Variants in LRMDA observed in about 807,000 individuals in gnomAD.
The protein encoded by LRMDA is leucine-rich melanocyte differentiation-associated protein.
LRMDA carries 18 observed loss-of-function variants against 29.8 expected under a neutral mutation model. The ratio of observed to expected loss-of-function variants is 0.60; its 90% CI spans 0.42 to 0.90. LRMDA has a LOEUF of 0.90. Ranked by LOEUF, LRMDA falls within the 40% of genes least tolerant of loss-of-function variation. LRMDA has a pLI of 0.00. For missense variants in LRMDA, 273 were observed against 273.9 expected (o/e 1.00, Z 0.02); for synonymous variants, 125 against 109.4 (o/e 1.14, Z -0.89).
At chr10:75,815,281 C>T (rs1307285898) in intron 2 of LRMDA, among the ~76,000 whole-genome samples, 1 of 152,210 alleles carries the variant, frequency 6.6e-6, no homozygotes, top group Non-Finnish European at 1.5e-5. Flanking sequence ...AAATATGTAA[C>T]TTACTCACCA....
At chr10:75,884,206 C>A (rs1243498231) in intron 2 of LRMDA, among the ~76,000 whole-genome samples, 1 of 149,412 alleles carries the variant, frequency 6.7e-6, no homozygotes, top group East Asian at 2.0e-4. Context: ...TGAAAGCTCC[C>A]CTCCACTATT....
chr10:76,550,970 A>G (rs1428543944), intron 6 of LRMDA, among the ~76,000 whole-genome samples: 2 of 152,220 alleles, frequency 1.3e-5, no homozygotes, highest in African/African-American at 4.8e-5. Context: ...ACATGGGCTG[A>G]CCTCAGGGTA....
chr10:76,120,189 ATTTT>A (rs35999168), intron 5 of LRMDA, among the ~76,000 whole-genome samples: 2 of 133,162 alleles, frequency 1.5e-5, no homozygotes, highest in Non-Finnish European at 3.2e-5. Context: ...GTATGTGTTG[ATTTT>A]TTTTTTTTTT....
chr10:76,525,450 A>T (rs1843164526), intron 6 of LRMDA, among the ~76,000 whole-genome samples: 1 of 152,102 alleles, frequency 6.6e-6, no homozygotes, highest in Non-Finnish European at 1.5e-5. Flanking sequence ...CTCTTAGAGG[A>T]TTGAGTCCTT....
chr10:75,792,879 T>C (rs1843592817), intron 2 of LRMDA, among the ~76,000 whole-genome samples: 1 of 152,206 alleles, frequency 6.6e-6, no homozygotes, highest in South Asian at 2.1e-4. Flanking sequence ...GCTATGTAAG[T>C]TGGCAGTCAT....
At chr10:75,947,766 C>T (rs1027609757) in intron 2 of LRMDA, among the ~76,000 whole-genome samples, 1 of 152,224 alleles carries the variant, frequency 6.6e-6, no homozygotes, top group African/African-American at 2.4e-5. Context: ...TCCGAAAACA[C>T]ACACATACTT....
chr10:75,634,521 A>T (rs1841366785), intron 2 of LRMDA, among the ~76,000 whole-genome samples: 1 of 152,200 alleles, frequency 6.6e-6, no homozygotes, highest in African/African-American at 2.4e-5. Context: ...ACAGAGTGGC[A>T]TTCCCCAGGT....
At chr10:76,236,560 C>A (rs971721323) in intron 5 of LRMDA, among the ~76,000 whole-genome samples, 1 of 152,202 alleles carries the variant, frequency 6.6e-6, no homozygotes, top group South Asian at 2.1e-4. Context: ...GGTCTCCACA[C>A]TTTGGCCCGC....
In LRMDA at chr10:75,758,185, A is replaced by G. The variant is rs75014533; in HGVS notation, c.132-277823A>G. Among the ~76,000 whole-genome samples, 620 of 152,274 alleles carry G rather than the reference A, an allele frequency of 4.1e-3. 4 individuals are homozygous for G. Among genetic ancestry groups the G allele is most frequent in the African/African-American group, 0.014 (588 of 41,568 alleles). The stretch of plus-strand genomic sequence containing the variant: ...AAGCCGGTGTCCTAATTGGAGGCAA[A>G]GGGTGTGAGGGGGGTGACGGGAGTG... On this transcript the variant is annotated intron_variant, in intron 2 of 6. Coordinates refer to ENST00000611255, the MANE Select transcript of LRMDA (RefSeq NM_001305581.2).
intron 5 of LRMDA, among the ~76,000 whole-genome samples, chr10:76,221,176 G>T (rs1415798495): frequency 6.6e-6 from 1 of 151,784 alleles, no homozygotes; most frequent in Admixed American, 6.6e-5. Flanking sequence ...TACTGAATGG[G>T]CAAAAACTGG....
At chr10:75,631,319 C>T (rs1022920856) in intron 2 of LRMDA, among the ~76,000 whole-genome samples, 1 of 152,020 alleles carries the variant, frequency 6.6e-6, no homozygotes, top group African/African-American at 2.4e-5. Context: ...AGAAAAGAAC[C>T]CCAGCTTCTT....
intron 2 of LRMDA, among the ~76,000 whole-genome samples, chr10:75,809,586 G>A (rs1843920133): frequency 6.6e-6 from 1 of 152,238 alleles, no homozygotes; most frequent in Admixed American, 6.5e-5. Flanking sequence ...GGAGGTTGCA[G>A]TGAGCCTAGG....
At chr10:75,785,371 G>A (rs915149979) in intron 2 of LRMDA, among the ~76,000 whole-genome samples, 3 of 152,138 alleles carry the variant, frequency 2.0e-5, no homozygotes, top group Admixed American at 1.3e-4. Flanking sequence ...AGCTCTCCCA[G>A]TTCCCAGGTG....
At chr10:76,106,106 A>T (rs1849480016) in intron 5 of LRMDA, among the ~76,000 whole-genome samples, 1 of 152,182 alleles carries the variant, frequency 6.6e-6, no homozygotes, top group Non-Finnish European at 1.5e-5. Flanking sequence ...GCCCCAGGAA[A>T]CTATTAGTAT....
chr10:76,341,167 GAAT>G (rs1329315742), intron 6 of LRMDA, among the ~76,000 whole-genome samples: 1 of 152,122 alleles, frequency 6.6e-6, no homozygotes, highest in Non-Finnish European at 1.5e-5. Context: ...TTACAAGGTA[GAAT>G]TCAAGCAGAA....
chr10:76,064,051 T>G (rs1003512655), intron 5 of LRMDA, among the ~76,000 whole-genome samples: 11 of 152,286 alleles, frequency 7.2e-5, no homozygotes, highest in Non-Finnish European at 1.0e-4. Context: ...GCAGAGCATA[T>G]TGGAAGATCC....
chr10:76,423,906 A>G (rs1022645897), intron 6 of LRMDA, among the ~76,000 whole-genome samples: 2 of 152,162 alleles, frequency 1.3e-5, no homozygotes, highest in Non-Finnish European at 1.5e-5. Context: ...CATGGTTACT[A>G]GACCTGGGGG....
chr10:75,663,921 G>T (rs534770798), intron 2 of LRMDA, among the ~76,000 whole-genome samples: 2 of 152,272 alleles, frequency 1.3e-5, no homozygotes, highest in South Asian at 4.1e-4. Flanking sequence ...CTTGACTATA[G>T]GGCTCCTTAG....
At chr10:76,000,968 A>G (rs894155046) in intron 2 of LRMDA, among the ~76,000 whole-genome samples, 2 of 152,082 alleles carry the variant, frequency 1.3e-5, no homozygotes, top group African/African-American at 4.8e-5. Flanking sequence ...GATTCATTCA[A>G]CACCTTGTAT....
Sources: gnomAD v4.1 joint callset for allele counts (sites outside exome capture counted in the v4.1 genomes callset) on GRCh38, gnomAD v4.1.1 for gene constraint, MANE v1.5 for transcripts, NCBI Gene and HGNC (gene_info 2026-07-23, HGNC 2026-07-21) for gene names.